DPP6: variants seen among roughly 807,000 people sequenced by gnomAD.
DPP6 encodes the protein dipeptidyl peptidase like 6, also known as A-type potassium channel modulatory protein DPP6.
A neutral mutation model predicts 122.6 loss-of-function variants in DPP6; 69 were observed. The ratio of observed to expected loss-of-function variants is 0.56; its 90% confidence interval spans 0.46 to 0.69. DPP6 has a LOEUF of 0.69. Ranked by LOEUF, DPP6 falls within the 30% of genes least tolerant of loss-of-function variation. DPP6 has a pLI of 0.00. For missense variants in DPP6, 928 were observed against 1,116.9 expected (o/e 0.83, Z 2.41); for synonymous variants, 418 against 433.1 (o/e 0.97, Z 0.43).
intron 7 of DPP6, among the ~76,000 whole-genome samples, chr7:154,723,952 C>A (rs1387792229): frequency 1.3e-5 from 2 of 152,170 alleles, no homozygotes; most frequent in Non-Finnish European, 2.9e-5. Context: ...AAACCCAGGG[C>A]AGAATTGATC....
chr7:154,887,276 A>G lies in DPP6; in HGVS notation c.2246-400A>G, dbSNP rs541499146. Reference sequence around the variant, plus strand: ...GCCTCAGGCAGAACCAAGAGCAGGGATGTGCCTGGACTTTTTAAAAAATAA... The same window carrying G: ...GCCTCAGGCAGAACCAAGAGCAGGGGTGTGCCTGGACTTTTTAAAAAATAA... On this transcript the variant is annotated intron_variant, in intron 22 of 25. Coordinates refer to ENST00000377770, the MANE Select transcript of DPP6 (RefSeq NM_130797.4). Among the ~76,000 whole-genome samples, 193 of 152,332 alleles carry G rather than the reference A, an allele frequency of 1.3e-3. 1 individual carries two copies. Among genetic ancestry groups the G allele is most frequent in the African/African-American group, 4.4e-3 (182 of 41,578 alleles).
At chr7:153,817,933 A>C in the DPP6 span, among the ~76,000 whole-genome samples, 16 of 151,736 alleles carry the variant, frequency 1.1e-4, no homozygotes, top group African/African-American at 3.9e-4. Context: ...TAAAAAAAAC[A>C]CTAGTGCATC....
intron 5 of DPP6, among the ~76,000 whole-genome samples, chr7:154,629,517 A>G (rs1835283418): frequency 6.6e-6 from 1 of 151,648 alleles, no homozygotes. Context: ...TTATGTTACT[A>G]TATTGTGTTT....
intron 1 of DPP6, among the ~76,000 whole-genome samples, chr7:154,249,445 A>C (rs1802207317): frequency 1.3e-5 from 2 of 152,268 alleles, no homozygotes; most frequent in Non-Finnish European, 2.9e-5. Flanking sequence ...TGACAACTGC[A>C]CAAATAATTA....
chr7:153,844,706 A>G, the DPP6 span, among the ~76,000 whole-genome samples: 1 of 152,222 alleles, frequency 6.6e-6, no homozygotes, highest in East Asian at 1.9e-4. Context: ...CAAATATTGG[A>G]AGACTCTTAT....
intron 5 of DPP6, among the ~76,000 whole-genome samples, chr7:154,612,113 G>A (rs1219678297): frequency 1.3e-5 from 2 of 152,154 alleles, no homozygotes; most frequent in Non-Finnish European, 1.5e-5. Context: ...CCTTCCTCCA[G>A]AGACCCTTGA....
chr7:154,391,999 C>T (rs781342243), intron 1 of DPP6, among the ~76,000 whole-genome samples: 1 of 152,104 alleles, frequency 6.6e-6, no homozygotes, highest in African/African-American at 2.4e-5. Context: ...TCTGGCCGGG[C>T]GCGGCGGCTC....
chr7:154,152,336 T>C (rs1796467381), intron 1 of DPP6, among the ~76,000 whole-genome samples: 1 of 152,132 alleles, frequency 6.6e-6, no homozygotes, highest in Non-Finnish European at 1.5e-5. Context: ...CTAACTGGTG[T>C]ATCTTCACAT....
chr7:154,597,493 G>A (rs966070228), intron 5 of DPP6, among the ~76,000 whole-genome samples: 5 of 151,868 alleles, frequency 3.3e-5, no homozygotes, highest in African/African-American at 1.2e-4. Context: ...GGCACCTGTA[G>A]TCCCAGCTAC....
At chr7:154,079,412 GT>G (rs1803823828) in intron 1 of DPP6, among the ~76,000 whole-genome samples, 1 of 152,166 alleles carries the variant, frequency 6.6e-6, no homozygotes, top group Non-Finnish European at 1.5e-5. Context: ...GAAAAGTTAA[GT>G]ACTGCGTACT....
chr7:154,138,110 A>C (rs557532121), intron 1 of DPP6, among the ~76,000 whole-genome samples: 1 of 152,296 alleles, frequency 6.6e-6, no homozygotes, highest in African/African-American at 2.4e-5. Context: ...CTTCTTTGCA[A>C]ACGAGGTGTT....
chr7:154,163,523 G>A (rs568508658), intron 1 of DPP6, among the ~76,000 whole-genome samples: 1 of 152,194 alleles, frequency 6.6e-6, no homozygotes, highest in African/African-American at 2.4e-5. Flanking sequence ...AATATTTTTA[G>A]CCCTCAAATT....
At chr7:154,266,132 C>T (rs1803404240) in intron 1 of DPP6, among the ~76,000 whole-genome samples, 1 of 152,142 alleles carries the variant, frequency 6.6e-6, no homozygotes, top group Non-Finnish European at 1.5e-5. Flanking sequence ...TCGTTTCCTT[C>T]TGAGTATCTA....
intron 1 of DPP6, among the ~76,000 whole-genome samples, chr7:154,029,291 T>G (rs1386521590): frequency 6.7e-6 from 1 of 148,378 alleles, no homozygotes; most frequent in South Asian, 2.2e-4. Flanking sequence ...CTGAGGCGGG[T>G]GGATCACGAG....
At position 154,885,721 on chromosome 7, in the gene DPP6, C is replaced by A; in HGVS notation, c.2222C>A (p.Pro741Gln). Residue 741 changes from proline to glutamine, a missense_variant, in exon 22 of 26, where the codon CCA (proline) becomes CAA (glutamine). Pro to Gln is a moderately conservative substitution (Grantham distance 76). Coordinates refer to ENST00000377770, the MANE Select transcript of DPP6 (RefSeq NM_130797.4). ...TTCACCTGCGGCTCTGCTCTCTCTC[C>A]AATAACAGACTTCAAACTCTATGGT... Reference protein sequence around the residue: ...QTFTCGSALSPITDFKLYASA... With the variant: ...QTFTCGSALSQITDFKLYASA... 1 of 1,597,044 alleles carries A rather than the reference C, an allele frequency of 6.3e-7. No homozygotes were observed. Among genetic ancestry groups the A allele is most frequent in the Non-Finnish European group, 8.5e-7 (1 of 1,171,912 alleles).
chr7:154,305,335 T>TGGGGGGC, intron 1 of DPP6: 6 of 1,024,738 alleles, frequency 5.9e-6, no homozygotes, highest in Non-Finnish European at 7.1e-6. Context: ...TCGTCTTGTC[T>TGGGGGGC]ACCCACCCTC....
At chr7:153,996,496 T>G (rs1285771486) in intron 1 of DPP6, among the ~76,000 whole-genome samples, 2 of 151,040 alleles carry the variant, frequency 1.3e-5, no homozygotes, top group African/African-American at 4.9e-5. Flanking sequence ...TCTGTCCAAT[T>G]CCCCCAAAAC....
chr7:153,785,530 C>T, the DPP6 span, among the ~76,000 whole-genome samples: 3 of 151,848 alleles, frequency 2.0e-5, no homozygotes, highest in African/African-American at 7.3e-5. Flanking sequence ...TTCATTTTTC[C>T]GAATTTACTA....
At chr7:153,970,851 G>A (rs1212257432) in intron 1 of DPP6, among the ~76,000 whole-genome samples, 1 of 151,840 alleles carries the variant, frequency 6.6e-6, no homozygotes, top group Non-Finnish European at 1.5e-5. Flanking sequence ...TGATCTATTT[G>A]ACTACCTTTG....
Sources: gnomAD v4.1 joint callset for allele counts (sites outside exome capture counted in the v4.1 genomes callset) on GRCh38, gnomAD v4.1.1 for gene constraint, MANE v1.5 for transcripts, NCBI Gene and HGNC (gene_info 2026-07-23, HGNC 2026-07-21) for gene names.